The following RAB5A variants were observed in gnomAD, a reference collection of about 807,000 sequenced individuals.
The protein encoded by RAB5A is RAB5A, member RAS oncogene family.
Under a neutral mutation model 25.7 loss-of-function variants are expected in RAB5A, and 8 were observed. The ratio of observed to expected loss-of-function variants is 0.31; its 90% CI spans 0.18 to 0.56. The LOEUF (loss-of-function observed/expected upper bound fraction) is 0.56. Ranked by LOEUF, RAB5A falls within the 20% of genes least tolerant of loss-of-function variation. The pLI, the probability that RAB5A is intolerant of heterozygous loss-of-function variation, is 0.91. For synonymous variants in RAB5A, 98 were observed against 89.8 expected, an observed-to-expected ratio of 1.09 and a Z score of -0.52; for missense variants, 192 against 259.7, an observed-to-expected ratio of 0.74 and a Z score of 1.79.
intron 5 of RAB5A, among the ~76,000 whole-genome samples, chr3:19,981,395 G>T (rs1696924195): frequency 6.6e-6 from 1 of 152,086 alleles, no homozygotes; most frequent in African/African-American, 2.4e-5. Context: ...TATCACCTGA[G>T]GTCAGGAGTT....
chr3:19,967,001 C>G (rs1314332478), intron 2 of RAB5A, among the ~76,000 whole-genome samples: 1 of 152,186 alleles, frequency 6.6e-6, no homozygotes, highest in South Asian at 2.1e-4. Flanking sequence ...CTATATTGCT[C>G]ATGCAGATCT....
At chr3:19,974,722 G>GAAAAACAAAA (rs151258629) in intron 2 of RAB5A, among the ~76,000 whole-genome samples, 1 of 141,912 alleles carries the variant, frequency 7.0e-6, no homozygotes, top group Admixed American at 7.0e-5. Flanking sequence ...CTGTGTCTCA[G>GAAAAACAAAA]AAAAAGAAAA....
Position 19,963,542 on chromosome 3 carries a change from C to A in RAB5A, c.164-12059C>A, listed in dbSNP as rs1457884100. ...TGGGGGTTGGCATAGATAATTATAT[C>A]CTAGGATTACAGGTTTCCTCTAACT... On this transcript the variant is annotated intron_variant, in intron 2 of 5. Coordinates refer to ENST00000273047, the MANE Select transcript of RAB5A (RefSeq NM_004162.5). Among the ~76,000 whole-genome samples the A allele has an allele frequency of 2.0e-5, 3 of 152,138 alleles. No individual in the cohort carries two copies. In the East Asian group the frequency reaches 5.8e-4, roughly 29 times the overall value.
Position 19,984,918 on chromosome 3 carries a change from A to T in RAB5A, c.*1095A>T, listed in dbSNP as rs994629439. On this transcript the variant is annotated 3_prime_UTR_variant, in exon 6 of 6. Coordinates refer to ENST00000273047, the MANE Select transcript of RAB5A (RefSeq NM_004162.5). Reference sequence around the variant, plus strand: ...CGTAATTTGTAACATAAAGTATTGCAATATGTTAGTAACAATCTTGCAGCC... The same window carrying T: ...CGTAATTTGTAACATAAAGTATTGCTATATGTTAGTAACAATCTTGCAGCC... 6 of 154,494 alleles carry T rather than the reference A, an allele frequency of 3.9e-5. No individual in the cohort carries two copies. Among genetic ancestry groups the T allele is most frequent in the African/African-American group, 1.4e-4 (6 of 41,480 alleles). 9.6% of individuals were successfully genotyped at this position (154,494 alleles called of 1,614,324 possible). A position where few individuals can be genotyped will look rare whatever the true frequency, so the allele number is the denominator to read the frequency against.
At chr3:19,955,091 CA>C (rs1696480884) in intron 2 of RAB5A, among the ~76,000 whole-genome samples, 1 of 152,086 alleles carries the variant, frequency 6.6e-6, no homozygotes, top group African/African-American at 2.4e-5. Context: ...TAAATACTCT[CA>C]AAAAATACTT....
chr3:19,967,959 A>G (rs1231774752), intron 2 of RAB5A, among the ~76,000 whole-genome samples: 5 of 152,124 alleles, frequency 3.3e-5, no homozygotes, highest in Admixed American at 3.3e-4. Context: ...CTCTGTGTGT[A>G]ATTTTATCAT....
At chr3:19,973,296 C>A (rs1024253913) in intron 2 of RAB5A, among the ~76,000 whole-genome samples, 1 of 151,520 alleles carries the variant, frequency 6.6e-6, no homozygotes, top group African/African-American at 2.4e-5. Context: ...TACTTATGGA[C>A]GTATAAGTGA....
At chr3:19,973,446 T>C (rs568341455) in intron 2 of RAB5A, among the ~76,000 whole-genome samples, 11 of 151,826 alleles carry the variant, frequency 7.2e-5, no homozygotes, top group Non-Finnish European at 1.3e-4. Context: ...TTGTGACTTA[T>C]TTTCCTCTTT....
At chr3:19,964,638 G>C (rs1252717786) in intron 2 of RAB5A, among the ~76,000 whole-genome samples, 1 of 152,160 alleles carries the variant, frequency 6.6e-6, no homozygotes, top group Non-Finnish European at 1.5e-5. Context: ...TTATTTATTT[G>C]TTTGAGACGG....
chr3:19,951,111 A>T, intron 2 of RAB5A, 50 bp downstream of exon 2: 1 of 1,580,490 alleles, frequency 6.3e-7, no homozygotes, highest in Non-Finnish European at 8.6e-7. Flanking sequence ...ATACATTGAC[A>T]GAAAATATTT....
At chr3:19,950,655 G>C (rs1191789824) in intron 1 of RAB5A, among the ~76,000 whole-genome samples, 151 bp from the exon 2 acceptor site, 1 of 152,068 alleles carries the variant, frequency 6.6e-6, no homozygotes, top group African/African-American at 2.4e-5. Context: ...CTATACCTTT[G>C]AATTTCCTTT....
intron 2 of RAB5A, among the ~76,000 whole-genome samples, chr3:19,965,771 G>A (rs1696652290): frequency 6.6e-6 from 1 of 152,054 alleles, no homozygotes; most frequent in Non-Finnish European, 1.5e-5. Flanking sequence ...GGGTTGGGAT[G>A]GGGACGGGAT....
At chr3:19,974,021 A>G (rs1172763223) in intron 2 of RAB5A, among the ~76,000 whole-genome samples, 2 of 152,234 alleles carry the variant, frequency 1.3e-5, no homozygotes, top group African/African-American at 4.8e-5. Context: ...TAGGGCTTGA[A>G]TATCACACCT....
In RAB5A at chr3:19,964,985, C is replaced by T. The variant is rs1167148784; in HGVS notation, c.164-10616C>T. 2.0e-5 allele frequency among the ~76,000 whole-genome samples: 3 copies of T among 152,194 alleles called. No homozygotes were observed. In the South Asian group the frequency reaches 6.2e-4, roughly 31 times the overall value. ...TCGCTCTGTCCCCTAGGCTGGAATG[C>T]AGTGGTGTAATCTCAGCTCACTGCA... On this transcript the variant is annotated intron_variant, in intron 2 of 5. Coordinates refer to ENST00000273047, the MANE Select transcript of RAB5A (RefSeq NM_004162.5).
chr3:19,981,280 G>A (rs961991106), intron 5 of RAB5A, among the ~76,000 whole-genome samples: 8 of 152,046 alleles, frequency 5.3e-5, no homozygotes, highest in Admixed American at 3.9e-4. Context: ...AACTTACTAC[G>A]GGATTACATA....
chr3:19,974,545 AT>A (rs1171262155), intron 2 of RAB5A, among the ~76,000 whole-genome samples: 3 of 152,104 alleles, frequency 2.0e-5, no homozygotes, highest in Admixed American at 2.0e-4. Flanking sequence ...AGGAGCAAAT[AT>A]TGAATCAACT....
intron 2 of RAB5A, among the ~76,000 whole-genome samples, chr3:19,969,060 T>TTTTG: frequency 7.0e-6 from 1 of 143,128 alleles, no homozygotes; most frequent in Non-Finnish European, 1.5e-5. Context: ...TTTTTTTTTT[T>TTTTG]TGAGATGGAG....
intron 2 of RAB5A, among the ~76,000 whole-genome samples, chr3:19,974,338 A>G (rs1471177971): frequency 1.3e-5 from 2 of 152,020 alleles, no homozygotes. Flanking sequence ...TATTTTTAGT[A>G]GAGACAGGGT....
At chr3:19,957,730 C>CAAA (rs61222002) in intron 2 of RAB5A, among the ~76,000 whole-genome samples, 1 of 132,388 alleles carries the variant, frequency 7.6e-6, no homozygotes, top group African/African-American at 2.8e-5. Flanking sequence ...GACTCTGTCT[C>CAAA]AAAAAAAAAA....
Sources: gnomAD v4.1 joint callset for allele counts (sites outside exome capture counted in the v4.1 genomes callset) on GRCh38, gnomAD v4.1.1 for gene constraint, MANE v1.5 for transcripts, NCBI Gene and HGNC (gene_info 2026-07-23, HGNC 2026-07-21) for gene names.